MCTP1: variants seen among roughly 807,000 people sequenced by gnomAD.
The protein encoded by MCTP1 is multiple C2 and transmembrane domain-containing protein 1.
MCTP1 carries 69 observed loss-of-function variants against 120.6 expected under a neutral mutation model. The ratio of observed to expected loss-of-function variants is 0.57; its 90% CI spans 0.47 to 0.70. The LOEUF (loss-of-function observed/expected upper bound fraction) is 0.70. MCTP1 is among the 30% of genes least tolerant of loss of function. MCTP1 has a pLI of 0.00. For synonymous variants in MCTP1, 529 were observed against 493.1 expected, an observed-to-expected ratio of 1.07 and a Z score of -0.96; for missense variants, 1,203 against 1,248.8, an observed-to-expected ratio of 0.96 and a Z score of 0.55.
At chr5:95,030,946 A>G (rs2153691804) in intron 1 of MCTP1, among the ~76,000 whole-genome samples, 1 of 152,258 alleles carries the variant, frequency 6.6e-6, no homozygotes, top group Non-Finnish European at 1.5e-5. Flanking sequence ...ATGAAAGACA[A>G]GATAGCTACA....
chr5:94,749,663 A>C, intron 19 of MCTP1, among the ~76,000 whole-genome samples: 1 of 144,116 alleles, frequency 6.9e-6, no homozygotes, highest in African/African-American at 2.7e-5. Flanking sequence ...TCAAAAAAAA[A>C]AAAAAAAAAA....
intron 1 of MCTP1, among the ~76,000 whole-genome samples, chr5:95,157,338 G>A (rs1028270155): frequency 6.6e-6 from 1 of 152,152 alleles, no homozygotes; most frequent in Non-Finnish European, 1.5e-5. Flanking sequence ...GAAAAGCTAA[G>A]AGACAGGATA....
At chr5:94,877,111 G>A (rs1274334637) in intron 12 of MCTP1, among the ~76,000 whole-genome samples, 1 of 152,042 alleles carries the variant, frequency 6.6e-6, no homozygotes, top group Admixed American at 6.6e-5. Flanking sequence ...AGGAAGCAAA[G>A]ACTTTTCCAG....
chr5:95,036,521 A>G (rs1841329378), intron 1 of MCTP1, among the ~76,000 whole-genome samples: 1 of 152,152 alleles, frequency 6.6e-6, no homozygotes, highest in African/African-American at 2.4e-5. Context: ...GAATAACTCT[A>G]TAGTGTTCCC....
intron 19 of MCTP1, among the ~76,000 whole-genome samples, chr5:94,777,799 AAGG>A (rs1338179069): frequency 3.3e-5 from 5 of 152,150 alleles, no homozygotes; most frequent in Non-Finnish European, 5.9e-5. Context: ...TTTTTGCAGG[AAGG>A]AGATTTTGTT....
intron 1 of MCTP1, among the ~76,000 whole-genome samples, chr5:95,109,243 G>A (rs1394937889): frequency 1.3e-5 from 2 of 152,130 alleles, no homozygotes; most frequent in African/African-American, 4.8e-5. Flanking sequence ...TCCCATTGCA[G>A]GAGGATGCAC....
At chr5:94,860,536 T>C (rs1162709621) in intron 17 of MCTP1, among the ~76,000 whole-genome samples, 2 of 151,796 alleles carry the variant, frequency 1.3e-5, no homozygotes, top group Admixed American at 6.6e-5. Flanking sequence ...GTTAATAATT[T>C]TGCATAAAGA....
chr5:94,796,581 A>C (rs1780065502), intron 18 of MCTP1, among the ~76,000 whole-genome samples: 1 of 131,746 alleles, frequency 7.6e-6, no homozygotes, highest in Admixed American at 7.6e-5. Context: ...GTATCCACAT[A>C]CACACACACA....
intron 1 of MCTP1, among the ~76,000 whole-genome samples, chr5:95,213,867 G>C (rs1414869927): frequency 6.6e-6 from 1 of 152,268 alleles, no homozygotes; most frequent in Non-Finnish European, 1.5e-5. Flanking sequence ...ATTACTTCAA[G>C]GTGGATTAAA....
intron 1 of MCTP1, among the ~76,000 whole-genome samples, chr5:95,212,683 T>A (rs1236419932): frequency 1.8e-4 from 28 of 151,704 alleles, no homozygotes; most frequent in Middle Eastern, 3.4e-3. Flanking sequence ...GTGGGCTTCA[T>A]CCCTGGGATG....
intron 1 of MCTP1, among the ~76,000 whole-genome samples, chr5:95,274,735 T>C (rs551203702): frequency 3.7e-4 from 56 of 152,248 alleles, no homozygotes; most frequent in South Asian, 3.3e-3. Flanking sequence ...GCCATTCTCC[T>C]GCCTCAGACT....
intron 19 of MCTP1, among the ~76,000 whole-genome samples, chr5:94,751,371 A>G (rs1768258642): frequency 6.6e-6 from 1 of 151,490 alleles, no homozygotes; most frequent in African/African-American, 2.4e-5. Context: ...GCCCAGGCAT[A>G]TGAGATAGTG....
At chr5:94,845,286 C>A (rs1452044221) in intron 17 of MCTP1, among the ~76,000 whole-genome samples, 2 of 152,196 alleles carry the variant, frequency 1.3e-5, no homozygotes, top group Non-Finnish European at 2.9e-5. Context: ...AACGTCACAT[C>A]TTACGTGGCA....
At chr5:95,090,625 TG>T (rs1755778355) in intron 1 of MCTP1, among the ~76,000 whole-genome samples, 1 of 152,182 alleles carries the variant, frequency 6.6e-6, no homozygotes, top group Non-Finnish European at 1.5e-5. Flanking sequence ...CGCTGCTACT[TG>T]GTATTGCAGG....
chr5:95,067,122 A>G (rs1012867911), intron 1 of MCTP1, among the ~76,000 whole-genome samples: 15 of 135,292 alleles, frequency 1.1e-4, no homozygotes, highest in Non-Finnish European at 6.2e-5. Flanking sequence ...AGTGGTTACC[A>G]GATGCTGGGG....
chr5:94,927,823 C>T (rs1581402935), intron 6 of MCTP1, among the ~76,000 whole-genome samples: 1 of 152,094 alleles, frequency 6.6e-6, no homozygotes, highest in Admixed American at 6.5e-5. Flanking sequence ...TTTAAATTAA[C>T]AATCTCCTTG....
intron 1 of MCTP1, among the ~76,000 whole-genome samples, chr5:95,195,472 G>A (rs1454249418): frequency 6.6e-6 from 1 of 152,128 alleles, no homozygotes; most frequent in East Asian, 1.9e-4. Flanking sequence ...GAGCTCTCTA[G>A]GCAGCATGAT....
At chr5:94,947,503 T>C (rs1819247937) in intron 3 of MCTP1, among the ~76,000 whole-genome samples, 1 of 145,964 alleles carries the variant, frequency 6.9e-6, no homozygotes, top group African/African-American at 2.5e-5. Context: ...GAATATATGA[T>C]AGTATATCCA....
chr5:95,059,296 G>A (rs1222724965), intron 1 of MCTP1, among the ~76,000 whole-genome samples: 1 of 152,030 alleles, frequency 6.6e-6, no homozygotes, highest in Non-Finnish European at 1.5e-5. Flanking sequence ...TATCCTAAGT[G>A]AATTAATCCA....
Sources: gnomAD v4.1 joint callset for allele counts (sites outside exome capture counted in the v4.1 genomes callset) on GRCh38, gnomAD v4.1.1 for gene constraint, MANE v1.5 for transcripts, NCBI Gene and HGNC (gene_info 2026-07-23, HGNC 2026-07-21) for gene names.